Variants in C4orf36 observed in about 807,000 individuals in gnomAD.
The protein encoded by C4orf36 is chromosome 4 open reading frame 36.
A neutral mutation model predicts 12.2 loss-of-function variants in C4orf36; 11 were observed. The ratio of observed to expected loss-of-function variants is 0.90; its 90% CI spans 0.57 to 1.49. The LOEUF (loss-of-function observed/expected upper bound fraction) is 1.49, where lower values mean the gene tolerates loss of function less well. Ranked by LOEUF, C4orf36 falls within the 40% of genes most tolerant of loss-of-function variation. The pLI, the probability that C4orf36 is intolerant of heterozygous loss-of-function variation, is 0.00. For missense variants in C4orf36, 137 were observed against 133.9 expected, an observed-to-expected ratio of 1.02 and a Z score of -0.11; for synonymous variants, 54 against 51.3, an observed-to-expected ratio of 1.05 and a Z score of -0.22.
the C4orf36 span, among the ~76,000 whole-genome samples, chr4:86,904,580 CAAAAAAAA>C: frequency 4.3e-5 from 3 of 70,456 alleles, no homozygotes; most frequent in East Asian, 4.9e-4. Context: ...GACTCTGTCT[CAAAAAAAA>C]AAAAAAAAAA....
intron 1 of C4orf36, among the ~76,000 whole-genome samples, chr4:86,891,803 C>G (rs958606261): frequency 2.6e-5 from 4 of 152,104 alleles, no homozygotes; most frequent in Non-Finnish European, 5.9e-5. Flanking sequence ...AGGTAAGTTT[C>G]GTCATCCTGA....
chr4:86,922,375 T>C, the C4orf36 span, among the ~76,000 whole-genome samples: 3 of 152,216 alleles, frequency 2.0e-5, no homozygotes, highest in East Asian at 5.8e-4. Flanking sequence ...ATATTGACAG[T>C]ATAGCCGTGA....
chr4:86,882,894 C>T (rs1747081662), intron 4 of C4orf36, among the ~76,000 whole-genome samples: 1 of 152,166 alleles, frequency 6.6e-6, no homozygotes, highest in South Asian at 2.1e-4. Flanking sequence ...AGGCCTAAAA[C>T]CCAGCCTGCC....
the C4orf36 span, among the ~76,000 whole-genome samples, chr4:86,923,655 G>A: frequency 6.6e-6 from 1 of 151,796 alleles, no homozygotes; most frequent in South Asian, 2.1e-4. Flanking sequence ...CCAGCTACTT[G>A]GGAGGCTGAG....
At chr4:86,885,371 C>T (rs567078561) in intron 4 of C4orf36, among the ~76,000 whole-genome samples, 92 of 152,174 alleles carry the variant, frequency 6.0e-4, no homozygotes, top group South Asian at 4.4e-3. Flanking sequence ...TCTTTTATTT[C>T]GTTGAGCAGT....
chr4:86,886,786 T>C (rs1405159172), intron 4 of C4orf36: 1 of 152,162 alleles, frequency 6.6e-6, no homozygotes. Context: ...GGAATATAAA[T>C]CATGCTGCTA....
At chr4:86,910,994 G>C in the C4orf36 span, among the ~76,000 whole-genome samples, 1 of 152,138 alleles carries the variant, frequency 6.6e-6, no homozygotes, top group Non-Finnish European at 1.5e-5. Context: ...GAGGCAGGAG[G>C]ATTGCTTGAA....
the C4orf36 span, chr4:86,913,610 A>T: frequency 7.1e-7 from 1 of 1,417,274 alleles, no homozygotes; most frequent in Non-Finnish European, 9.9e-7. Flanking sequence ...TGAAACACTT[A>T]GGAGCAGCAG....
the C4orf36 span, chr4:86,925,367 A>G: frequency 6.6e-6 from 1 of 152,060 alleles, no homozygotes; most frequent in Non-Finnish European, 1.5e-5. Flanking sequence ...GATTATGGGC[A>G]TGCACCACCA....
the C4orf36 span, among the ~76,000 whole-genome samples, chr4:86,924,100 G>C: frequency 6.6e-6 from 1 of 152,058 alleles, no homozygotes; most frequent in Non-Finnish European, 1.5e-5. Context: ...GAGTGCAGTG[G>C]CACAATCATA....
chr4:86,902,418 CAAAAAAAAAAA>C, the C4orf36 span, among the ~76,000 whole-genome samples: 7 of 58,960 alleles, frequency 1.2e-4, no homozygotes, highest in East Asian at 5.3e-4. Context: ...ATGAGACTCT[CAAAAAAAAAAA>C]AAAAAAAAAA....
chr4:86,885,824 T>A, intron 4 of C4orf36, among the ~76,000 whole-genome samples: 1 of 152,178 alleles, frequency 6.6e-6, no homozygotes, highest in East Asian at 1.9e-4. Flanking sequence ...AGTATGATAT[T>A]GGCTGTGGGT....
chr4:86,913,732 C>A, the C4orf36 span: 2 of 1,579,678 alleles, frequency 1.3e-6, no homozygotes, highest in Non-Finnish European at 1.7e-6. Flanking sequence ...ACCCTGTGGA[C>A]CCAGCCACCA....
At chr4:86,935,998 T>A in the C4orf36 span, 9,646 of 151,966 alleles carry the variant, frequency 0.063, 422 homozygotes, top group Non-Finnish European at 0.088. Flanking sequence ...CTTAGTGTAA[T>A]GGTAGTTGCA....
the C4orf36 span, among the ~76,000 whole-genome samples, chr4:86,912,011 C>T: frequency 6.6e-6 from 1 of 152,110 alleles, no homozygotes; most frequent in Admixed American, 6.5e-5. Flanking sequence ...CAGGCATGTG[C>T]CACCACACCC....
intron 2 of C4orf36, among the ~76,000 whole-genome samples, chr4:86,889,188 A>C (rs1362402132): frequency 1.3e-5 from 2 of 152,112 alleles, no homozygotes; most frequent in South Asian, 2.1e-4. Context: ...CGTCTCTACT[A>C]AAAATACAAA....
the C4orf36 span, among the ~76,000 whole-genome samples, chr4:86,902,052 G>C: frequency 9.2e-5 from 14 of 152,094 alleles, no homozygotes; most frequent in African/African-American, 3.1e-4. Context: ...TGTGACCATA[G>C]AGGCGAGCCT....
At chr4:86,910,889 C>A in the C4orf36 span, among the ~76,000 whole-genome samples, 1 of 151,746 alleles carries the variant, frequency 6.6e-6, no homozygotes, top group Non-Finnish European at 1.5e-5. Flanking sequence ...CATGGTGAAA[C>A]CCCTGCTGTA....
In C4orf36 at chr4:86,891,497, C is replaced by G. The variant is rs781028990; in HGVS notation, c.24G>C (p.Lys8Asn). The change falls in exon 2 of 5, where the codon AAG (lysine) becomes AAC (asparagine). Residue 8 changes from lysine (K) to asparagine (N), a missense_variant. Coordinates refer to ENST00000295898, the MANE Select transcript of C4orf36 (RefSeq NM_144645.4). The stretch of plus-strand genomic sequence containing the variant: ...CCCGCAAAATGGTTTTCACTGTGTT[C>G]TTTCTTGGCACTCCATACGCCATGG... MAYGVPRKNTVKTILRGS... is the reference protein window; with the variant it reads MAYGVPRNNTVKTILRGS... The G allele has an allele frequency of 6.2e-7, 1 of 1,613,732 alleles. No individual in the cohort carries two copies. Among genetic ancestry groups the G allele is most frequent in the African/African-American group, 1.3e-5 (1 of 74,862 alleles).
Sources: allele counts gnomAD v4.1 joint callset (sites outside exome capture counted in the v4.1 genomes callset), GRCh38; gene constraint gnomAD v4.1.1; transcripts MANE v1.5; gene names NCBI Gene and HGNC (gene_info 2026-07-23, HGNC 2026-07-21).